The following SNX29 variants were observed in gnomAD, a reference collection of about 807,000 sequenced individuals.
SNX29 encodes the protein sorting nexin 29.
Under a neutral mutation model 102.1 loss-of-function variants are expected in SNX29, and 78 were observed. That is an observed-to-expected ratio of 0.76 (90% CI 0.64 to 0.92). The LOEUF (loss-of-function observed/expected upper bound fraction) is 0.92. Among genes scored for constraint, SNX29 ranks in the 40% least tolerant of loss-of-function variants. The pLI, the probability that SNX29 is intolerant of heterozygous loss-of-function variation, is 0.00. For missense variants in SNX29, 1,280 were observed against 1,061.7 expected (o/e 1.21, Z -2.86); for synonymous variants, 580 against 414.5 (o/e 1.40, Z -4.85).
At chr16:12,077,911 A>G (rs954332252) in intron 10 of SNX29, among the ~76,000 whole-genome samples, 24 of 152,114 alleles carry the variant, frequency 1.6e-4, no homozygotes, top group African/African-American at 5.8e-4. Context: ...ATGAGCCACC[A>G]CACCTGGCCT....
chr16:12,521,439 T>C (rs1253235871), intron 19 of SNX29, among the ~76,000 whole-genome samples: 4 of 151,866 alleles, frequency 2.6e-5, no homozygotes, highest in Non-Finnish European at 4.4e-5. Flanking sequence ...TGGATGGAAT[T>C]CTCTAACCTT....
intron 14 of SNX29, among the ~76,000 whole-genome samples, chr16:12,259,530 C>T (rs902012430): frequency 6.6e-6 from 1 of 152,188 alleles, no homozygotes; most frequent in Non-Finnish European, 1.5e-5. Flanking sequence ...AGCTGTGGCG[C>T]AGAGGACTGA....
chr16:12,263,992 G>A (rs577528906), intron 14 of SNX29, among the ~76,000 whole-genome samples: 1 of 152,342 alleles, frequency 6.6e-6, no homozygotes, highest in African/African-American at 2.4e-5. Context: ...CATCCATGGA[G>A]CATGCTTTCC....
intron 20 of SNX29, among the ~76,000 whole-genome samples, chr16:12,557,929 G>A (rs12926407): frequency 0.2 from 29,927 of 152,090 alleles, 3,127 homozygotes; most frequent in East Asian, 0.43. Flanking sequence ...CAGGCAGGCT[G>A]CTATTTTCAT....
intron 14 of SNX29, among the ~76,000 whole-genome samples, chr16:12,241,209 G>A (rs955850652): frequency 3.3e-5 from 5 of 152,172 alleles, no homozygotes; most frequent in African/African-American, 1.2e-4. Flanking sequence ...GAGGAGTAAT[G>A]AGTATTGAGT....
intron 20 of SNX29, among the ~76,000 whole-genome samples, chr16:12,536,000 C>T (rs147323192): frequency 1.6e-3 from 247 of 152,248 alleles, no homozygotes; most frequent in African/African-American, 5.4e-3. Flanking sequence ...GATACCTGTT[C>T]GACACGCACT....
chr16:12,318,663 G>T (rs1362733617), intron 15 of SNX29, among the ~76,000 whole-genome samples: 1 of 152,034 alleles, frequency 6.6e-6, no homozygotes, highest in East Asian at 1.9e-4. Context: ...TTGTTCTTAT[G>T]GCCCAATAAC....
intron 14 of SNX29, among the ~76,000 whole-genome samples, chr16:12,260,144 C>T (rs761425983): frequency 6.6e-6 from 1 of 152,186 alleles, no homozygotes; most frequent in African/African-American, 2.4e-5. Flanking sequence ...GAGCTTTCAA[C>T]GTGATTTCTT....
intron 18 of SNX29, among the ~76,000 whole-genome samples, chr16:12,453,642 A>G (rs2086405008): frequency 6.6e-6 from 1 of 151,976 alleles, no homozygotes; most frequent in Non-Finnish European, 1.5e-5. Flanking sequence ...CAGCCTCCCA[A>G]ATTGCTGGGA....
chr16:12,465,553 G>C (rs2087012240), intron 18 of SNX29, among the ~76,000 whole-genome samples: 1 of 152,082 alleles, frequency 6.6e-6, no homozygotes, highest in South Asian at 2.1e-4. Context: ...GCTTTGTTCT[G>C]TTCTCATGGT....
chr16:12,543,507 ATT>A (rs1373575459), intron 20 of SNX29, among the ~76,000 whole-genome samples: 1 of 152,152 alleles, frequency 6.6e-6, no homozygotes, highest in Non-Finnish European at 1.5e-5. Context: ...CTGGCGAGTC[ATT>A]GTGTAAGAAG....
At chr16:12,332,863 A>G (rs996251144) in intron 15 of SNX29, among the ~76,000 whole-genome samples, 2 of 151,514 alleles carry the variant, frequency 1.3e-5, no homozygotes, top group African/African-American at 4.9e-5. Flanking sequence ...TCGTCACTCC[A>G]TGTGCCCTCG....
At chr16:12,557,876 G>A (rs1317438017) in intron 20 of SNX29, among the ~76,000 whole-genome samples, 2 of 152,158 alleles carry the variant, frequency 1.3e-5, no homozygotes, top group Admixed American at 6.5e-5. Context: ...GCGAGTGGAG[G>A]AGGGCCTCTG....
chr16:12,478,930 G>C (rs1045401965), intron 19 of SNX29, among the ~76,000 whole-genome samples: 1 of 152,150 alleles, frequency 6.6e-6, no homozygotes, highest in African/African-American at 2.4e-5. Flanking sequence ...CATCAATTTC[G>C]GTATGTGTTC....
chr16:12,415,151 T>C (rs913045091), intron 18 of SNX29, among the ~76,000 whole-genome samples: 1 of 152,240 alleles, frequency 6.6e-6, no homozygotes, highest in Non-Finnish European at 1.5e-5. Context: ...CCAGCTTGCT[T>C]GTGTGCCCTG....
chr16:12,563,388 A>T (rs8062280), intron 20 of SNX29, among the ~76,000 whole-genome samples: 9 of 152,188 alleles, frequency 5.9e-5, no homozygotes, highest in Non-Finnish European at 1.3e-4. Flanking sequence ...TTTTACCCGT[A>T]ACCATGAAAA....
At chr16:12,135,644 T>C in intron 13 of SNX29, 1 of 1,329,732 alleles carries the variant, frequency 7.5e-7, no homozygotes, top group Non-Finnish European at 9.9e-7. Context: ...TTCCTGATAG[T>C]CTCATTTGAG....
At chr16:12,126,597 C>A in intron 11 of SNX29, 36 bp from the exon 12 acceptor site, 2 of 1,609,148 alleles carry the variant, frequency 1.2e-6, no homozygotes, top group Non-Finnish European at 8.5e-7. Context: ...CAGGCAAGAC[C>A]TGCCAATTAA....
chr16:12,113,460 T>A (rs2053574826), intron 11 of SNX29, among the ~76,000 whole-genome samples: 1 of 152,118 alleles, frequency 6.6e-6, no homozygotes, highest in South Asian at 2.1e-4. Context: ...GCAGAGTTGG[T>A]GAGATTCACT....
Sources: allele counts gnomAD v4.1 joint callset (sites outside exome capture counted in the v4.1 genomes callset), GRCh38; gene constraint gnomAD v4.1.1; transcripts MANE v1.5; gene names NCBI Gene and HGNC (gene_info 2026-07-23, HGNC 2026-07-21).